ZNF280D: variants seen among roughly 807,000 people sequenced by gnomAD.
ZNF280D encodes the protein suppressor of hairy wing homolog 4.
ZNF280D carries 39 observed loss-of-function variants against 94.7 expected under a neutral mutation model. The observed-to-expected ratio is 0.41, with a 90% CI of 0.32 to 0.54. The LOEUF (loss-of-function observed/expected upper bound fraction) is 0.54. Among genes scored for constraint, ZNF280D ranks in the 20% least tolerant of loss-of-function variants. ZNF280D has a pLI of 0.22. For synonymous variants in ZNF280D, 398 were observed against 377.6 expected (o/e 1.05, Z -0.63); for missense variants, 1,090 against 1,149.3 (o/e 0.95, Z 0.75).
chr15:56,632,793 TTA>T (rs1185663062), intron 21 of ZNF280D, among the ~76,000 whole-genome samples: 1 of 152,118 alleles, frequency 6.6e-6, no homozygotes, highest in Admixed American at 6.6e-5. Context: ...CCAGTCTCCT[TTA>T]TGATTTAAAT....
intron 1 of ZNF280D, among the ~76,000 whole-genome samples, chr15:56,712,184 A>G (rs1488997578): frequency 6.6e-6 from 1 of 152,182 alleles, no homozygotes; most frequent in Non-Finnish European, 1.5e-5. Flanking sequence ...GCATTTCTAA[A>G]CTAATTAAAA....
At chr15:56,645,425 C>T (rs1223478236) in intron 19 of ZNF280D, 1 of 152,198 alleles carries the variant, frequency 6.6e-6, no homozygotes, top group Non-Finnish European at 1.5e-5. Context: ...CTTTTCCCCT[C>T]TATGAAAATC....
intron 1 of ZNF280D, chr15:56,724,806 CAATGTAGTGTCACTGA>C: frequency 2.3e-6 from 1 of 431,842 alleles, no homozygotes; most frequent in Non-Finnish European, 4.6e-6. Context: ...ACAGACACTA[CAATGTAGTGTCACTGA>C]AGTAGTGCCA....
intron 19 of ZNF280D, 172 bp from the exon 20 acceptor site, chr15:56,643,169 C>T (rs937807423): frequency 5.3e-5 from 21 of 399,872 alleles, no homozygotes; most frequent in Admixed American, 3.5e-4. Context: ...AAAAGTTAAA[C>T]GTATGAGACT....
chr15:56,675,843 CA>C (rs1275940414), intron 13 of ZNF280D, among the ~76,000 whole-genome samples: 2 of 151,956 alleles, frequency 1.3e-5, no homozygotes, highest in African/African-American at 4.8e-5. Context: ...AGTGAGTTGA[CA>C]AAATTTGATT....
At chr15:56,726,919 T>C (rs1297661769) in intron 1 of ZNF280D, among the ~76,000 whole-genome samples, 6 of 152,102 alleles carry the variant, frequency 3.9e-5, no homozygotes, top group African/African-American at 1.4e-4. Flanking sequence ...TTTATTAATA[T>C]TGACATGCAC....
At chr15:56,713,800 G>A (rs2057897905) in intron 1 of ZNF280D, among the ~76,000 whole-genome samples, 1 of 152,094 alleles carries the variant, frequency 6.6e-6, no homozygotes, top group Admixed American at 6.5e-5. Context: ...AACTCCTGTT[G>A]TACATCCCCT....
chr15:56,642,920 A>G lies in ZNF280D; in HGVS notation c.2259+32T>C, dbSNP rs1469510657. On this transcript the variant is annotated intron_variant, in intron 20 of 21. Transcript: ENST00000267807. ...ACCAATAATACTTTCAAATGTATAA[A>G]CCTTTAAGGTATAAAGTAAAACAAA... The G allele has an allele frequency of 4.9e-6, 7 of 1,437,060 alleles. No individual in the cohort carries two copies. In the Admixed American group the frequency reaches 1.2e-4, roughly 24 times the overall value. The allele number at this position is 1,437,060 out of a possible 1,614,324, so 89.0% of individuals were successfully genotyped here. A position where few individuals can be genotyped will look rare whatever the true frequency, so the allele number is the denominator to read the frequency against.
In ZNF280D at chr15:56,693,089, A is replaced by C. The variant is rs760088569; in HGVS notation, c.499+9T>G. The C allele has an allele frequency of 1.1e-5, 18 of 1,566,486 alleles. No homozygotes were observed. In the South Asian group the frequency reaches 1.9e-4, roughly 17 times the overall value. On this transcript the variant is annotated intron_variant, in intron 7 of 21. Transcript: ENST00000267807. ...CTATAACCTTTATGAAAAAAATACT[A>C]AAACCAACCTGCCATAGAAAGTGTT...
At chr15:56,714,605 G>A (rs1282316354) in intron 1 of ZNF280D, among the ~76,000 whole-genome samples, 3 of 152,122 alleles carry the variant, frequency 2.0e-5, no homozygotes, top group Non-Finnish European at 2.9e-5. Context: ...CCTGGAAGAG[G>A]CTGCTCTTTC....
intron 13 of ZNF280D, among the ~76,000 whole-genome samples, chr15:56,669,971 T>TA (rs1555407662): frequency 8.4e-4 from 2 of 2,386 alleles, no homozygotes; most frequent in Admixed American, 0.027. Context: ...ATTATATATA[T>TA]ATAATATATA....
At chr15:56,645,642 G>A (rs562802603) in intron 19 of ZNF280D, among the ~76,000 whole-genome samples, 4 of 152,126 alleles carry the variant, frequency 2.6e-5, no homozygotes, top group Non-Finnish European at 4.4e-5. Flanking sequence ...CACCTCCCAG[G>A]TTCAAGCGAT....
intron 1 of ZNF280D, among the ~76,000 whole-genome samples, chr15:56,723,258 A>G (rs1313657152): frequency 1.4e-5 from 2 of 143,532 alleles, no homozygotes; most frequent in African/African-American, 5.1e-5. Flanking sequence ...AAATAATCAA[A>G]GTGAAAAAAA....
At position 56,707,348 on chromosome 15, in the gene ZNF280D, A is replaced by T. The variant is rs181733990; in HGVS notation, c.-85-42T>A. 165 of 1,474,886 alleles carry T rather than the reference A, an allele frequency of 1.1e-4. 2 individuals are homozygous for T. In the East Asian group the frequency reaches 4.0e-3, roughly 36 times the overall value. The allele number at this position is 1,474,886 out of a possible 1,614,324, so 91.4% of individuals were successfully genotyped here. On this transcript the variant is annotated intron_variant, in intron 1 of 21. Coordinates refer to ENST00000267807, the MANE Select transcript of ZNF280D (RefSeq NM_017661.4). ...CCAACTATTAGGGTGGACTTCATTA[A>T]ATTAGATGTATACATATTTAATCTT... is the stretch of plus-strand genomic sequence containing the variant.
intron 3 of ZNF280D, among the ~76,000 whole-genome samples, chr15:56,706,651 A>G (rs968956831): frequency 2.0e-5 from 3 of 152,094 alleles, no homozygotes; most frequent in African/African-American, 7.2e-5. Flanking sequence ...TAAGCCACCC[A>G]ATCTGTGGTA....
intron 1 of ZNF280D, 109 bp from the exon 2 acceptor site, chr15:56,707,415 T>C: frequency 3.5e-6 from 3 of 864,054 alleles, no homozygotes; most frequent in Non-Finnish European, 1.7e-6. Context: ...ATATCTGATA[T>C]ACACATATAG....
Position 56,631,977 on chromosome 15 carries a change from A to G in ZNF280D, c.2461T>C (p.Ser821Pro). The change falls in exon 22 of 22, where the codon TCA becomes CCA. Residue 821 changes from serine (S) to proline (P), a missense_variant. Around this residue, in one of 3 missense-constraint regions of ZNF280D, gnomAD observed 577 missense variants for 568.8 expected, o/e 1.01. Transcript: ENST00000267807. ...GAATCACAACTGACGATGTTTTTTGAGCCAGTTTCCTGGTCTGCAAGACAG... is the reference window on the plus strand; with the variant it reads ...GAATCACAACTGACGATGTTTTTTGGGCCAGTTTCCTGGTCTGCAAGACAG... ...ETCLADQETG[S>P]KNIVSCDSNI... 5 of 1,613,958 alleles carry G rather than the reference A, an allele frequency of 3.1e-6. No individual in the cohort carries two copies. Among genetic ancestry groups the G allele is most frequent in the Non-Finnish European group, 4.2e-6 (5 of 1,179,988 alleles).
In ZNF280D at chr15:56,631,731, G is replaced by C. The variant is rs778991678; in HGVS notation, c.2707C>G (p.Pro903Ala). 4 of 1,613,984 alleles carry C rather than the reference G, an allele frequency of 2.5e-6. No homozygotes were observed. In the African/African-American group the frequency reaches 4.0e-5, roughly 16 times the overall value. ...IDQFLRKRHE[P>A]ESVSSDVSEQ... Reference sequence around the variant, plus strand: ...CTAACATCAGAACTAACAGATTCAGGTTCATGTCTTTTTCTCAAAAACTGA... The same window carrying C: ...CTAACATCAGAACTAACAGATTCAGCTTCATGTCTTTTTCTCAAAAACTGA... Residue 903 changes from proline to alanine, a missense_variant, in exon 22 of 22, where the codon CCT (proline) becomes GCT (alanine). Physicochemically the swap from Pro to Ala is conservative, Grantham distance 27 (BLOSUM62 -1). Coordinates refer to ENST00000267807, the MANE Select transcript of ZNF280D (RefSeq NM_017661.4).
intron 16 of ZNF280D, among the ~76,000 whole-genome samples, chr15:56,664,670 T>C (rs2140833813): frequency 6.6e-6 from 1 of 152,284 alleles, no homozygotes; most frequent in Admixed American, 6.6e-5. Context: ...AAACAAATGT[T>C]GCAGGTAAAA....
Sources: gnomAD v4.1 joint callset for allele counts (sites outside exome capture counted in the v4.1 genomes callset) on GRCh38, gnomAD v4.1.1 for gene constraint, gnomAD v4.1.1 regional missense constraint, MANE v1.5 for transcripts, NCBI Gene and HGNC (gene_info 2026-07-23, HGNC 2026-07-21) for gene names.